CACNA1B: variants seen among roughly 807,000 people sequenced by gnomAD.
CACNA1B encodes the protein voltage-dependent N-type calcium channel subunit alpha-1B.
In CACNA1B, 70 loss-of-function variants were observed where a neutral mutation model predicts 247.2. The ratio of observed to expected loss-of-function variants is 0.28; its 90% CI spans 0.23 to 0.35. The LOEUF (loss-of-function observed/expected upper bound fraction) is 0.35, where lower values mean the gene tolerates loss of function less well. Ranked by LOEUF, CACNA1B falls within the 10% of genes least tolerant of loss-of-function variation. CACNA1B has a pLI of 1.00. For synonymous variants in CACNA1B, 1,231 were observed against 1,294.4 expected (o/e 0.95, Z 1.05); for missense variants, 2,367 against 3,197.4 (o/e 0.74, Z 6.26).
intron 1 of CACNA1B, 61 bp downstream of exon 1, chr9:137,878,278 G>A (rs1232903852): frequency 8.7e-7 from 1 of 1,153,434 alleles, no homozygotes; most frequent in Non-Finnish European, 1.1e-6. Flanking sequence ...GCCGGGGCCG[G>A]GGCCATCTTC....
At chr9:137,895,564 T>A (rs1957163312) in intron 3 of CACNA1B, among the ~76,000 whole-genome samples, 1 of 152,252 alleles carries the variant, frequency 6.6e-6, no homozygotes, top group African/African-American at 2.4e-5. Context: ...TGTACATGTT[T>A]TGTTACATTT....
chr9:138,023,194 G>A lies in CACNA1B; in HGVS notation c.2451G>A (p.Leu817=). ...PDMKTHLDRP[L]VVELGRDGAR... ...TGAAGACGCACCTGGACCGGCCGCT[G>A]GTGGTGGAGCTGGGCCGCGACGGCG... Residue 817 remains leucine, a synonymous_variant, in exon 19 of 47, where the codon CTG becomes CTA. Transcript: ENST00000371372. 8 of 1,521,560 alleles carry A rather than the reference G, an allele frequency of 5.3e-6. No individual in the cohort carries two copies. Among genetic ancestry groups the A allele is most frequent in the Non-Finnish European group, 6.1e-6 (7 of 1,142,444 alleles). The allele number at this position is 1,521,560 out of a possible 1,614,324, so 94.3% of individuals were successfully genotyped here. A position where few individuals can be genotyped will look rare whatever the true frequency, so the allele number is the denominator to read the frequency against.
chr9:137,912,752 C>G (rs1426940411), intron 3 of CACNA1B, among the ~76,000 whole-genome samples: 1 of 152,144 alleles, frequency 6.6e-6, no homozygotes, highest in Non-Finnish European at 1.5e-5. Context: ...AGGCTCCATC[C>G]TGCTCCTGCT....
chr9:137,920,486 C>T (rs745381725), intron 6 of CACNA1B, among the ~76,000 whole-genome samples: 7 of 152,182 alleles, frequency 4.6e-5, no homozygotes, highest in African/African-American at 1.2e-4. Flanking sequence ...CATGAGCCAC[C>T]ACACCTGGCC....
intron 18 of CACNA1B, among the ~76,000 whole-genome samples, chr9:138,016,434 A>G (rs1958792815): frequency 6.6e-6 from 1 of 152,248 alleles, no homozygotes; most frequent in South Asian, 2.1e-4. Flanking sequence ...TGCATCCAAA[A>G]GGAAGGTGGG....
chr9:137,981,594 A>G (rs1958294253), intron 12 of CACNA1B, among the ~76,000 whole-genome samples: 9 of 152,138 alleles, frequency 5.9e-5, no homozygotes, highest in Admixed American at 5.9e-4. Context: ...TTCCTGCCTC[A>G]GCCTCCTGAG....
At chr9:138,056,003 G>A (rs1959481283) in intron 26 of CACNA1B, among the ~76,000 whole-genome samples, 1 of 151,744 alleles carries the variant, frequency 6.6e-6, no homozygotes, top group Admixed American at 6.6e-5. Flanking sequence ...TCCAGCCCGG[G>A]CGACAGTGTA....
intron 10 of CACNA1B, among the ~76,000 whole-genome samples, chr9:137,959,793 C>T (rs1329492280): frequency 1.3e-5 from 2 of 152,232 alleles, no homozygotes; most frequent in African/African-American, 4.8e-5. Flanking sequence ...ATGGGGGCCG[C>T]GACACTGGAG....
In CACNA1B at chr9:137,906,538, C is replaced by T. The variant is rs140666370; in HGVS notation, c.531-6642C>T. On this transcript the variant is annotated intron_variant, in intron 3 of 46. Transcript: ENST00000371372. ...TCCATGTGTTGTCTTATTTAACATACGTCTTTCTCTGCATCCCCGTGTGAT... is the reference window on the plus strand; with the variant it reads ...TCCATGTGTTGTCTTATTTAACATATGTCTTTCTCTGCATCCCCGTGTGAT... Among the ~76,000 whole-genome samples the T allele has an allele frequency of 2.4e-3, 360 of 151,546 alleles. 1 individual carries two copies. Among genetic ancestry groups the T allele is most frequent in the Non-Finnish European group, 3.9e-3 (263 of 67,836 alleles).
chr9:138,078,841 C>T (rs1960418529), intron 36 of CACNA1B, among the ~76,000 whole-genome samples: 1 of 152,094 alleles, frequency 6.6e-6, no homozygotes, highest in Non-Finnish European at 1.5e-5. Context: ...GTAGAGCTGG[C>T]ACGATTGATG....
intron 6 of CACNA1B, among the ~76,000 whole-genome samples, chr9:137,939,275 G>A (rs2133316100): frequency 6.6e-6 from 1 of 152,232 alleles, no homozygotes; most frequent in South Asian, 2.1e-4. Flanking sequence ...ATATTCATCA[G>A]TGTATGGAAC....
chr9:137,994,724 A>G (rs1958476065), intron 15 of CACNA1B, among the ~76,000 whole-genome samples: 1 of 152,248 alleles, frequency 6.6e-6, no homozygotes, highest in East Asian at 1.9e-4. Flanking sequence ...ACACAAACAA[A>G]TGGAAACACA....
At chr9:137,976,524 T>C (rs1251583338) in intron 12 of CACNA1B, among the ~76,000 whole-genome samples, 2 of 152,058 alleles carry the variant, frequency 1.3e-5, no homozygotes, top group African/African-American at 4.8e-5. Flanking sequence ...TAGGGAGGCC[T>C]TGGAGGCAGT....
chr9:137,882,970 C>T lies in CACNA1B; in HGVS notation c.530+87C>T. 1.4e-6 allele frequency: 2 copies of T among 1,432,470 alleles called. No individual in the cohort carries two copies. Among genetic ancestry groups the T allele is most frequent in the East Asian group, 2.3e-5 (1 of 43,954 alleles). 88.7% of individuals were successfully genotyped at this position (1,432,470 alleles called of 1,614,324 possible). ...CAGTTGCGCCGTGGAGCTGGGGCAG[C>T]TGCAGTCCCCTCACTGGGGTCCCCT... On this transcript the variant is annotated intron_variant, in intron 3 of 46. Coordinates refer to ENST00000371372, the MANE Select transcript of CACNA1B (RefSeq NM_000718.4). This position sits in a 1 kb window ranked among gnomAD's most constrained non-coding sequence, Gnocchi z 4.0.
At chr9:138,065,106 G>A (rs1959869328) in intron 31 of CACNA1B, among the ~76,000 whole-genome samples, 1 of 152,184 alleles carries the variant, frequency 6.6e-6, no homozygotes, top group Admixed American at 6.5e-5. Context: ...GTTAGCACCT[G>A]CTTCAGGTGC....
In CACNA1B at chr9:138,010,130, C is replaced by T. The variant is rs978623384; in HGVS notation, c.2160+53C>T. Reference sequence around the variant, plus strand: ...TCAGCCCATGTCACTTGAATGTGGCCGCAGCCAGGAAGAGTCTGGGTCCTG... The same window carrying T: ...TCAGCCCATGTCACTTGAATGTGGCTGCAGCCAGGAAGAGTCTGGGTCCTG... On this transcript the variant is annotated intron_variant, in intron 17 of 46. Transcript: ENST00000371372. The surrounding 1 kb of genome is among the most constrained non-coding windows in gnomAD (Gnocchi z 5.3). 39 of 1,450,156 alleles carry T rather than the reference C, an allele frequency of 2.7e-5. No individual in the cohort carries two copies. Among genetic ancestry groups the T allele is most frequent in the Middle Eastern group, 1.8e-4 (1 of 5,596 alleles). 89.8% of individuals were successfully genotyped at this position (1,450,156 alleles called of 1,614,324 possible). A position where few individuals can be genotyped will look rare whatever the true frequency, so the allele number is the denominator to read the frequency against.
At position 138,100,351 on chromosome 9, in the gene CACNA1B, G is replaced by T. The variant is rs1174170401; in HGVS notation, c.5223-2360G>T. ...CAGTGGGCTCAGTCCTTGCATCGAG[G>T]AGTGATGGTGTCAGGCCCACACTTT... On this transcript the variant is annotated intron_variant, in intron 37 of 46. Coordinates refer to ENST00000371372, the MANE Select transcript of CACNA1B (RefSeq NM_000718.4). This position sits in a 1 kb window ranked among gnomAD's most constrained non-coding sequence, Gnocchi z 4.6. Among the ~76,000 whole-genome samples the T allele has an allele frequency of 6.6e-6, 1 of 152,188 alleles. No individual in the cohort carries two copies. The highest frequency in any genetic ancestry group is 1.5e-5 in the Non-Finnish European group (1 of 68,048).
intron 20 of CACNA1B, among the ~76,000 whole-genome samples, chr9:138,043,115 G>C (rs1006785670): frequency 3.9e-5 from 6 of 152,230 alleles, no homozygotes; most frequent in African/African-American, 1.2e-4. Flanking sequence ...GGCCATATTA[G>C]CCCTGGGGAG....
chr9:137,950,180 C>G lies in CACNA1B; in HGVS notation c.967-2094C>G, dbSNP rs1199362714. 6.6e-6 allele frequency among the ~76,000 whole-genome samples: 1 copy of G among 152,160 alleles called. No homozygotes were observed. The highest frequency in any genetic ancestry group is 1.5e-5 in the Non-Finnish European group (1 of 68,028). On this transcript the variant is annotated intron_variant, in intron 6 of 46. Coordinates refer to ENST00000371372, the MANE Select transcript of CACNA1B (RefSeq NM_000718.4). This position sits in a 1 kb window ranked among gnomAD's most constrained non-coding sequence, Gnocchi z 4.8. ...TTACTGCTGGGCGGGGGTGGCCGGT[C>G]TGGCTCCCCACCATGCCTCAAGGGA...
Sources: gnomAD v4.1 joint callset for allele counts (sites outside exome capture counted in the v4.1 genomes callset) on GRCh38, gnomAD v4.1.1 for gene constraint, Gnocchi (gnomAD v3.1) non-coding constraint, MANE v1.5 for transcripts, NCBI Gene and HGNC (gene_info 2026-07-23, HGNC 2026-07-21) for gene names.